FGG: variants seen among roughly 807,000 people sequenced by gnomAD.
FGG encodes the protein fibrinogen gamma chain, also known as fibrinogen, gamma polypeptide.
A neutral mutation model predicts 51.7 loss-of-function variants in FGG; 20 were observed. The ratio of observed to expected loss-of-function variants is 0.39; its 90% CI spans 0.27 to 0.56. The LOEUF (loss-of-function observed/expected upper bound fraction) is 0.56, where lower values mean the gene tolerates loss of function less well. Among genes scored for constraint, FGG ranks in the 20% least tolerant of loss-of-function variants. FGG has a pLI of 0.64. For synonymous variants in FGG, 184 were observed against 184.7 expected, an observed-to-expected ratio of 1.00 and a Z score of 0.03; for missense variants, 460 against 534.2, an observed-to-expected ratio of 0.86 and a Z score of 1.37.
At position 154,606,936 on chromosome 4, in the gene FGG, A is replaced by G; in HGVS notation, c.898T>C (p.Tyr300His). 6.2e-7 allele frequency: 1 copy of G among 1,613,298 alleles called. No individual in the cohort carries two copies. Reference protein sequence around the residue: ...MFKVGPEADKYRLTYAYFAGG... With the variant: ...MFKVGPEADKHRLTYAYFAGG... ...GCGAAGTAGGCATATGTTAGGCGGTACTTGTCAGCTTCAGGTCCCACCTTG... is the reference window on the plus strand; with the variant it reads ...GCGAAGTAGGCATATGTTAGGCGGTGCTTGTCAGCTTCAGGTCCCACCTTG... Residue 300 changes from tyrosine to histidine, a missense_variant, in exon 8 of 9, where the codon TAC becomes CAC. Physicochemically the swap from Tyr to His is moderately conservative, Grantham distance 83. Transcript: ENST00000336098.
At position 154,604,772 on chromosome 4, in the gene FGG, GGAAGAAACTTTCA is replaced by G; in HGVS notation, c.*49_*61del. On this transcript the variant is annotated 3_prime_UTR_variant, in exon 9 of 9. Transcript: ENST00000336098. ...TCAATAAATATAGTAAGAGAAAAAA[GGAAGAAACTTTCA>G]GAGAATTTCTGAAACTTTGTGGGTC... 1.2e-5 allele frequency: 19 copies of G among 1,608,600 alleles called. No homozygotes were observed. The highest frequency in any genetic ancestry group is 1.6e-5 in the Non-Finnish European group (19 of 1,178,676).
rs1731066163 is a variant in FGG, at chr4:154,604,782, T to G, written c.*52A>C. The stretch of plus-strand genomic sequence containing the variant: ...TAGTAAGAGAAAAAAGGAAGAAACT[T>G]TCAGAGAATTTCTGAAACTTTGTGG... On this transcript the variant is annotated 3_prime_UTR_variant, in exon 9 of 9. Coordinates refer to ENST00000336098, the MANE Select transcript of FGG (RefSeq NM_021870.3). 6.2e-7 allele frequency: 1 copy of G among 1,610,892 alleles called. No homozygotes were observed. Among genetic ancestry groups the G allele is most frequent in the Admixed American group, 1.7e-5 (1 of 59,916 alleles).
intron 7 of FGG, among the ~76,000 whole-genome samples, chr4:154,607,760 C>G: frequency 6.6e-6 from 1 of 152,110 alleles, no homozygotes; most frequent in East Asian, 1.9e-4. Flanking sequence ...GGATTAAAAA[C>G]CAACCAAGCA....
In FGG at chr4:154,604,666, A is replaced by G. The variant is rs768665657; in HGVS notation, c.*168T>C. On this transcript the variant is annotated 3_prime_UTR_variant, in exon 9 of 9. Coordinates refer to ENST00000336098, the MANE Select transcript of FGG (RefSeq NM_021870.3). Reference sequence around the variant, plus strand: ...AATAAACAATTTTTAAATAACTCTGATATCAGTAATTTGGAAATACAGTCC... The same window carrying G: ...AATAAACAATTTTTAAATAACTCTGGTATCAGTAATTTGGAAATACAGTCC... 7 of 1,413,612 alleles carry G rather than the reference A, an allele frequency of 5.0e-6. No individual in the cohort carries two copies. Among genetic ancestry groups the G allele is most frequent in the Admixed American group, 2.9e-5 (1 of 34,914 alleles). The allele number at this position is 1,413,612 out of a possible 1,614,324, so 87.6% of individuals were successfully genotyped here.
At position 154,611,917 on chromosome 4, in the gene FGG, G is replaced by T. The variant is rs747584904; in HGVS notation, c.308-19C>A. The stretch of plus-strand genomic sequence containing the variant: ...ATCATATCTGTAATATAGGATCAGA[G>T]ACATAAAAATCCTTAAGCAAATAGA... On this transcript the variant is annotated intron_variant, in intron 3 of 8. Transcript: ENST00000336098. The T allele has an allele frequency of 6.2e-7, 1 of 1,603,954 alleles. No homozygotes were observed. Among genetic ancestry groups the T allele is most frequent in the East Asian group, 2.2e-5 (1 of 44,720 alleles).
At chr4:154,609,577 T>C in intron 6 of FGG, 53 bp downstream of exon 6, 2 of 1,606,064 alleles carry the variant, frequency 1.2e-6, no homozygotes, top group Non-Finnish European at 1.7e-6. Flanking sequence ...ATCTGCCATA[T>C]GGCAGAAACA....
chr4:154,608,483 G>C lies in FGG; in HGVS notation c.834C>G (p.Asp278Glu). Reference sequence around the variant, plus strand: ...AACAGTACCTGGTTCTGCCATTCCAGTCTTCCAGTTCCACTCTTAATGCAT... The same window carrying C: ...AACAGTACCTGGTTCTGCCATTCCACTCTTCCAGTTCCACTCTTAATGCAT... ...IPYALRVELE[D>E]WNGRTSTADY... Residue 278 changes from aspartate (D) to glutamate (E), a missense_variant, in exon 7 of 9, where the codon GAC (aspartate) becomes GAG (glutamate). Asp to Glu is a conservative substitution (Grantham distance 45). Coordinates refer to ENST00000336098, the MANE Select transcript of FGG (RefSeq NM_021870.3). The C allele has an allele frequency of 6.2e-7, 1 of 1,613,498 alleles. No individual in the cohort carries two copies. Among genetic ancestry groups the C allele is most frequent in the Non-Finnish European group, 8.5e-7 (1 of 1,179,744 alleles).
chr4:154,610,424 A>T (rs566688441), intron 4 of FGG, among the ~76,000 whole-genome samples: 46 of 152,312 alleles, frequency 3.0e-4, no homozygotes, highest in African/African-American at 1.1e-3. Flanking sequence ...AATCAATTAA[A>T]ACAGGAATAC....
In FGG at chr4:154,609,617, G is replaced by A; in HGVS notation, c.666+13C>T. 6.2e-7 allele frequency: 1 copy of A among 1,613,674 alleles called. No individual in the cohort carries two copies. Among genetic ancestry groups the A allele is most frequent in the South Asian group, 1.1e-5 (1 of 91,068 alleles). On this transcript the variant is annotated intron_variant, in intron 6 of 8. Transcript: ENST00000336098. ...AGGAATTTATTAAATACACATGGTG[G>A]GGAAAAAATTACCTTCTGAAACACA...
At chr4:154,609,501 G>T in intron 6 of FGG, 129 bp downstream of exon 6, 1 of 1,135,088 alleles carries the variant, frequency 8.8e-7, no homozygotes, top group Non-Finnish European at 1.3e-6. Flanking sequence ...AGTAACAGAA[G>T]TACCTTCCTC....
intron 8 of FGG, among the ~76,000 whole-genome samples, chr4:154,605,704 G>A (rs1402568391): frequency 1.3e-5 from 2 of 152,124 alleles, no homozygotes; most frequent in African/African-American, 4.8e-5. Context: ...TGGTTTGTGA[G>A]TGCAAAGATA....
At position 154,612,590 on chromosome 4, in the gene FGG, G is replaced by A. The variant is rs1731241642; in HGVS notation, c.20C>T (p.Pro7Leu). The part of the protein sequence containing the change: MSWSLH[P>L]RNLILYFYAL... ...ATAGAAGTAGAGAATTAAATTCCGG[G>A]GGTGCAAGGACCAACTCATGATGTC... is the stretch of plus-strand genomic sequence containing the variant. Residue 7 changes from proline to leucine, a missense_variant, in exon 1 of 9, where the codon CCC (proline) becomes CTC (leucine). By Grantham distance (98) the Pro-to-Leu change is moderately conservative. Around this residue, in one of 3 missense-constraint regions of FGG, gnomAD observed 353 missense variants for 391.7 expected, o/e 0.90. Transcript: ENST00000336098. The A allele has an allele frequency of 6.2e-7, 1 of 1,613,662 alleles. No homozygotes were observed. Among genetic ancestry groups the A allele is most frequent in the African/African-American group, 1.3e-5 (1 of 74,904 alleles).
chr4:154,611,730 AC>A (rs1202694235), intron 4 of FGG, 74 bp downstream of exon 4: 42 of 949,460 alleles, frequency 4.4e-5, no homozygotes, highest in Non-Finnish European at 6.7e-5. Context: ...ATTAAAAATT[AC>A]TTTCACTCAA....
intron 7 of FGG, among the ~76,000 whole-genome samples, chr4:154,608,172 G>A (rs1457481468): frequency 6.6e-6 from 1 of 152,142 alleles, no homozygotes; most frequent in Non-Finnish European, 1.5e-5. Flanking sequence ...ATTTAGACTA[G>A]ATAAAATTAT....
chr4:154,606,862 A>T lies in FGG; in HGVS notation c.972T>A (p.Asp324Glu), dbSNP rs746474853. Residue 324 changes from aspartate to glutamate, a missense_variant, in exon 8 of 9, where the codon GAT becomes GAA. Asp to Glu is a conservative substitution (Grantham distance 45, BLOSUM62 2). Coordinates refer to ENST00000336098, the MANE Select transcript of FGG (RefSeq NM_021870.3). Reference sequence around the variant, plus strand: ...GGGATGTGAAAAACTTGTCACTAGGATCATCGCCAAAATCAAAGCCATCAA... The same window carrying T: ...GGGATGTGAAAAACTTGTCACTAGGTTCATCGCCAAAATCAAAGCCATCAA... ...DAFDGFDFGD[D>E]PSDKFFTSHN... is the part of the protein sequence containing the mutation. 8 of 1,613,848 alleles carry T rather than the reference A, an allele frequency of 5.0e-6. No homozygotes were observed. The highest frequency in any genetic ancestry group is 6.8e-6 in the Non-Finnish European group (8 of 1,179,886).
chr4:154,605,501 G>A (rs1731082057), intron 8 of FGG, among the ~76,000 whole-genome samples: 1 of 152,060 alleles, frequency 6.6e-6, no homozygotes, highest in Admixed American at 6.6e-5. Flanking sequence ...AATGGTTCTG[G>A]CATGTTATTT....
Position 154,611,650 on chromosome 4 carries a change from ACTTCTATCT to A in FGG, c.401+146_401+154del, listed in dbSNP as rs1392385260. On this transcript the variant is annotated intron_variant, in intron 4 of 8. Transcript: ENST00000336098. Reference sequence around the variant, plus strand: ...CAGTATAATTTATATTGCACTAAAAACTTCTATCTCTACTATGCTCAACATAATCAGGCA... The same window carrying A: ...CAGTATAATTTATATTGCACTAAAAACTACTATGCTCAACATAATCAGGCA... 4.3e-5 allele frequency: 25 copies of A among 587,482 alleles called. No individual in the cohort carries two copies. The East Asian group carries it at 7.0e-4, about 16-fold the overall frequency. The allele number at this position is 587,482 out of a possible 1,614,324, so 36.4% of individuals were successfully genotyped here. A position where few individuals can be genotyped will look rare whatever the true frequency, so the allele number is the denominator to read the frequency against.
rs1578810954 is a variant in FGG at position 154,609,674 on chromosome 4, A to G, written c.622T>C (p.Cys208Arg). ...LKANQQFLVY[C>R]EIDGSGNGWT... Reference sequence around the variant, plus strand: ...CCATTTCCAGACCCATCGATTTCACAGTAGACTAAGAATTGCTGGTTAGCT... The same window carrying G: ...CCATTTCCAGACCCATCGATTTCACGGTAGACTAAGAATTGCTGGTTAGCT... Residue 208 changes from cysteine to arginine, a missense_variant, in exon 6 of 9, where the codon TGT becomes CGT. This residue lies in a region of FGG where 353 missense variants were observed against 391.7 expected (regional missense o/e 0.90). Transcript: ENST00000336098. 2 of 1,614,002 alleles carry G rather than the reference A, an allele frequency of 1.2e-6. No individual in the cohort carries two copies. Among genetic ancestry groups the G allele is most frequent in the South Asian group, 1.1e-5 (1 of 91,084 alleles).
At chr4:154,610,703 T>G (rs770427049) in intron 4 of FGG, among the ~76,000 whole-genome samples, 2 of 152,128 alleles carry the variant, frequency 1.3e-5, no homozygotes, top group Non-Finnish European at 2.9e-5. Flanking sequence ...AGGCTATACA[T>G]ATAAGCTTCA....
Sources: allele counts gnomAD v4.1 joint callset (sites outside exome capture counted in the v4.1 genomes callset), GRCh38; gene constraint gnomAD v4.1.1; regional missense constraint gnomAD v4.1.1; transcripts MANE v1.5; gene names NCBI Gene and HGNC (gene_info 2026-07-23, HGNC 2026-07-21).